The following ZNF28 variants were observed in gnomAD, a reference collection of about 807,000 sequenced individuals.
The protein encoded by ZNF28 is zinc finger protein KOX24.
ZNF28 carries 5 observed loss-of-function variants against 7.2 expected under a neutral mutation model. The ratio of observed to expected loss-of-function variants is 0.70; its 90% confidence interval spans 0.36 to 1.46. ZNF28 has a LOEUF of 1.46. Ranked by LOEUF, ZNF28 falls within the 40% of genes most tolerant of loss-of-function variation. ZNF28 has a pLI of 0.03. For missense variants in ZNF28, 879 were observed against 866.6 expected, an observed-to-expected ratio of 1.01 and a Z score of -0.18; for synonymous variants, 288 against 292.4, an observed-to-expected ratio of 0.99 and a Z score of 0.15.
At chr19:52,806,930 G>A (rs943513406) in intron 3 of ZNF28, among the ~76,000 whole-genome samples, 6 of 152,150 alleles carry the variant, frequency 3.9e-5, no homozygotes, top group African/African-American at 1.4e-4. Context: ...AGAATAGAAA[G>A]AAAGAGCAGA....
intron 2 of ZNF28, among the ~76,000 whole-genome samples, chr19:52,816,834 AAATAATAAT>A (rs34015590): frequency 6.3e-4 from 87 of 138,422 alleles, no homozygotes; most frequent in African/African-American, 1.1e-3. Context: ...CCGTTTCAGA[AAATAATAAT>A]AATAATAATA....
chr19:52,807,944 C>G lies in ZNF28; in HGVS notation c.142+63G>C, dbSNP rs969648530. The G allele has an allele frequency of 5.0e-6, 8 of 1,607,930 alleles. No homozygotes were observed. The African/African-American group carries it at 9.4e-5, about 19-fold the overall frequency. On this transcript the variant is annotated intron_variant, in intron 3 of 3. Transcript: ENST00000457749. ...TTTAGTCAAGTAAGGATGTGGCTCC[C>G]AAGAGGCAACAAGAGAAAATACAAA... is the stretch of plus-strand genomic sequence containing the variant.
Position 52,800,967 on chromosome 19 carries a change from T to C in ZNF28, c.878A>G (p.His293Arg), listed in dbSNP as rs775843800. The change falls in exon 4 of 4, where the codon CAT becomes CGT. Residue 293 changes from histidine (H) to arginine (R), a missense_variant. Coordinates refer to ENST00000457749, the MANE Select transcript of ZNF28 (RefSeq NM_006969.5). ...ACATTCATAAGGTTTGTCTGCAGTATGAAGCGCCTTGTGAAGGAAGAGGGA... is the reference window on the plus strand; with the variant it reads ...ACATTCATAAGGTTTGTCTGCAGTACGAAGCGCCTTGTGAAGGAAGAGGGA... ...NTSLFLHKAL[H>R]TADKPYECEE... The C allele has an allele frequency of 2.8e-5, 45 of 1,614,056 alleles. No homozygotes were observed. The South Asian group carries it at 4.9e-4, about 18-fold the overall frequency.
intron 3 of ZNF28, among the ~76,000 whole-genome samples, chr19:52,807,279 G>C (rs1484567139): frequency 6.6e-6 from 1 of 152,120 alleles, no homozygotes; most frequent in African/African-American, 2.4e-5. Flanking sequence ...TGTTTCTGTA[G>C]GAAAGAAGAC....
At position 52,801,407 on chromosome 19, in the gene ZNF28, C is replaced by G; in HGVS notation, c.438G>C (p.Ser146=). 6.2e-7 allele frequency: 1 copy of G among 1,614,162 alleles called. No homozygotes were observed. Among genetic ancestry groups the G allele is most frequent in the East Asian group, 2.2e-5 (1 of 44,876 alleles). Residue 146 remains serine (S), a synonymous_variant, in exon 4 of 4, where the codon TCG becomes TCC. Coordinates refer to ENST00000457749, the MANE Select transcript of ZNF28 (RefSeq NM_006969.5). ...IKDQLGLSFH[S]HLPELHIFQP... ...GAAATATGTGCAGTTCAGGCAGATG[C>G]GAATGAAAGCTTAATCCAAGCTGAT...
At chr19:52,809,713 G>C in intron 2 of ZNF28, 1 of 391,828 alleles carries the variant, frequency 2.6e-6, no homozygotes, top group Non-Finnish European at 4.5e-6. Context: ...GGCTGAGGCA[G>C]CAAAACGCTT....
At position 52,819,621 on chromosome 19, in the gene ZNF28, T is replaced by C. The variant is rs181430049; in HGVS notation, c.-73-1590A>G. 5.3e-3 allele frequency among the ~76,000 whole-genome samples: 660 copies of C among 123,600 alleles called. 104 individuals carry two copies. The highest frequency in any genetic ancestry group is 0.022 in the African/African-American group (635 of 28,370). The allele number at this position is 123,600 out of a possible 152,430, so 81.1% of individuals were successfully genotyped here. A position where few individuals can be genotyped will look rare whatever the true frequency, so the allele number is the denominator to read the frequency against. The stretch of plus-strand genomic sequence containing the variant: ...CAGAGCTGGAAACATTTTCACGAAG[T>C]TACCCTGAGAAGGTCTGAGATGAGT... On this transcript the variant is annotated intron_variant, in intron 1 of 3. Transcript: ENST00000457749.
In ZNF28 at chr19:52,818,837, C is replaced by G. The variant is rs763496237; in HGVS notation, c.-73-806G>C. ...GATACAGGTTGCAGTGAGCCAAGAT[C>G]ACAAGACTGCACTCATAGCCTGGAG... On this transcript the variant is annotated intron_variant, in intron 1 of 3. Transcript: ENST00000457749. Among the ~76,000 whole-genome samples, 42 of 141,570 alleles carry G rather than the reference C, an allele frequency of 3.0e-4. 2 individuals are homozygous for G. The highest frequency in any genetic ancestry group is 4.6e-4 in the Non-Finnish European group (31 of 67,018). 92.9% of individuals were successfully genotyped at this position (141,570 alleles called of 152,430 possible).
At chr19:52,818,166 A>C in intron 1 of ZNF28, 135 bp from the exon 2 acceptor site, 1 of 956,084 alleles carries the variant, frequency 1.0e-6, no homozygotes, top group South Asian at 1.8e-5. Context: ...ACGAACAAAA[A>C]ATTCCTACAG....
intron 3 of ZNF28, among the ~76,000 whole-genome samples, chr19:52,801,989 G>T (rs12461390): frequency 0.089 from 13,473 of 152,072 alleles, 1,062 homozygotes; most frequent in South Asian, 0.19. Context: ...TGACCCTAAA[G>T]TGTATCACAC....
chr19:52,816,557 G>C (rs1377461810), intron 2 of ZNF28, among the ~76,000 whole-genome samples: 1 of 145,064 alleles, frequency 6.9e-6, no homozygotes, highest in Non-Finnish European at 1.5e-5. Flanking sequence ...CCAGCTACTT[G>C]GGAGGCTGAG....
At chr19:52,807,631 T>C (rs1178636597) in intron 3 of ZNF28, among the ~76,000 whole-genome samples, 1 of 152,176 alleles carries the variant, frequency 6.6e-6, no homozygotes, top group African/African-American at 2.4e-5. Context: ...TGCATCACCA[T>C]GCCCGGCTAA....
At chr19:52,809,928 G>A (rs2062995070) in intron 2 of ZNF28, 5 of 862,248 alleles carry the variant, frequency 5.8e-6, no homozygotes, top group East Asian at 2.6e-5. Context: ...CGGTGGGGAG[G>A]CCGGGGAGGT....
chr19:52,818,798 A>T lies in ZNF28; in HGVS notation c.-73-767T>A, dbSNP rs78591467. Among the ~76,000 whole-genome samples, 3 of 140,660 alleles carry T rather than the reference A, an allele frequency of 2.1e-5. 1 individual carries two copies. Among genetic ancestry groups the T allele is most frequent in the African/African-American group, 8.6e-5 (3 of 34,964 alleles). The allele number at this position is 140,660 out of a possible 152,430, so 92.3% of individuals were successfully genotyped here. On this transcript the variant is annotated intron_variant, in intron 1 of 3. Coordinates refer to ENST00000457749, the MANE Select transcript of ZNF28 (RefSeq NM_006969.5). ...CTTGGGAGGCTGAGGCACAAGAATC[A>T]CTTGAACCCAGGAGATACAGGTTGC...
At chr19:52,809,837 C>CGGT in intron 2 of ZNF28, 8 of 554,004 alleles carry the variant, frequency 1.4e-5, no homozygotes, top group Non-Finnish European at 2.5e-5. Flanking sequence ...GCGGCGGCGG[C>CGGT]GGTGGCGGTG....
Position 52,813,486 on chromosome 19 carries a change from T to TA in ZNF28, c.15+4457dup, listed in dbSNP as rs1451380884. On this transcript the variant is annotated intron_variant, in intron 2 of 3. Transcript: ENST00000457749. Reference sequence around the variant, plus strand: ...CTCCAGGGTAGGCGGGCGGGGGTGGTAGGAGGTTTTTTTTTTTACCCAGGG... The same window carrying TA: ...CTCCAGGGTAGGCGGGCGGGGGTGGTAAGGAGGTTTTTTTTTTTACCCAGGG... 2.3e-4 allele frequency among the ~76,000 whole-genome samples: 28 copies of TA among 120,758 alleles called. 2 individuals carry two copies. Among genetic ancestry groups the TA allele is most frequent in the Admixed American group, 2.3e-3 (27 of 11,784 alleles). 79.2% of individuals were successfully genotyped at this position (120,758 alleles called of 152,430 possible).
At chr19:52,817,120 C>T (rs2147685113) in intron 2 of ZNF28, among the ~76,000 whole-genome samples, 1 of 152,190 alleles carries the variant, frequency 6.6e-6, no homozygotes. Flanking sequence ...CGCTTGTAAT[C>T]CCAGCACTTT....
chr19:52,809,931 G>C, intron 2 of ZNF28: 3 of 861,142 alleles, frequency 3.5e-6, no homozygotes, highest in Non-Finnish European at 5.8e-6. Context: ...TGGGGAGGCC[G>C]GGGAGGTTGC....
At chr19:52,802,781 G>A (rs1369045786) in intron 3 of ZNF28, among the ~76,000 whole-genome samples, 6 of 120,876 alleles carry the variant, frequency 5.0e-5, no homozygotes, top group East Asian at 2.1e-4. Flanking sequence ...TTTTTTTTGC[G>A]ACGAAATCTT....
Sources: allele counts gnomAD v4.1 joint callset (sites outside exome capture counted in the v4.1 genomes callset), GRCh38; gene constraint gnomAD v4.1.1; transcripts MANE v1.5; gene names NCBI Gene and HGNC (gene_info 2026-07-23, HGNC 2026-07-21).